RPS6KC1: variants seen among roughly 807,000 people sequenced by gnomAD.
RPS6KC1 encodes the protein ribosomal protein S6 kinase C1.
A neutral mutation model predicts 103.8 loss-of-function variants in RPS6KC1; 54 were observed. That is an observed-to-expected ratio of 0.52 (90% confidence interval 0.42 to 0.65). The LOEUF is 0.65. Ranked by LOEUF, RPS6KC1 falls within the 30% of genes least tolerant of loss-of-function variation. RPS6KC1 has a pLI of 0.00. For missense variants in RPS6KC1, 1,151 were observed against 1,253.8 expected, an observed-to-expected ratio of 0.92 and a Z score of 1.24; for synonymous variants, 439 against 438.7, an observed-to-expected ratio of 1.00 and a Z score of -0.01.
chr1:213,774,567 A>G, the RPS6KC1 span, among the ~76,000 whole-genome samples: 1 of 152,234 alleles, frequency 6.6e-6, no homozygotes, highest in African/African-American at 2.4e-5. Flanking sequence ...CACAAAGAAA[A>G]TACTTGCCTT....
intron 8 of RPS6KC1, among the ~76,000 whole-genome samples, chr1:213,214,013 T>G (rs904704939): frequency 1.3e-5 from 2 of 152,208 alleles, no homozygotes; most frequent in African/African-American, 2.4e-5. Context: ...TCACTGGGGA[T>G]TGTCGGACAG....
At chr1:213,661,621 A>G in the RPS6KC1 span, among the ~76,000 whole-genome samples, 1 of 152,324 alleles carries the variant, frequency 6.6e-6, no homozygotes, top group South Asian at 2.1e-4. Context: ...CGATAACTCA[A>G]GTACATGAAC....
chr1:213,569,289 T>C, the RPS6KC1 span, among the ~76,000 whole-genome samples: 3 of 152,304 alleles, frequency 2.0e-5, no homozygotes, highest in Non-Finnish European at 4.4e-5. Context: ...TTGCTCATTT[T>C]CAGAAAAACA....
At chr1:213,528,758 C>T in the RPS6KC1 span, among the ~76,000 whole-genome samples, 585 of 152,290 alleles carry the variant, frequency 3.8e-3, 5 homozygotes, top group African/African-American at 0.013. Context: ...TATGCTTGGA[C>T]AGGGTTTCAC....
chr1:213,339,415 A>T, the RPS6KC1 span, among the ~76,000 whole-genome samples: 13 of 152,250 alleles, frequency 8.5e-5, no homozygotes, highest in African/African-American at 2.9e-4. Context: ...GACCAGAAAG[A>T]TAACCCAGCT....
the RPS6KC1 span, among the ~76,000 whole-genome samples, chr1:213,378,499 T>C: frequency 6.6e-6 from 1 of 152,174 alleles, no homozygotes; most frequent in Non-Finnish European, 1.5e-5. Context: ...TATAAGCTTG[T>C]GCTCCCTGAG....
the RPS6KC1 span, among the ~76,000 whole-genome samples, chr1:213,653,264 C>G: frequency 6.6e-6 from 1 of 152,126 alleles, no homozygotes; most frequent in African/African-American, 2.4e-5. Context: ...TTGAGACCAG[C>G]CTGGGCAACA....
the RPS6KC1 span, among the ~76,000 whole-genome samples, chr1:213,678,084 G>A: frequency 3.9e-5 from 6 of 152,100 alleles, no homozygotes; most frequent in Admixed American, 1.3e-4. Flanking sequence ...GGAGTTTCTT[G>A]TTTCGTTTAA....
At chr1:213,696,059 T>C in the RPS6KC1 span, among the ~76,000 whole-genome samples, 1 of 152,228 alleles carries the variant, frequency 6.6e-6, no homozygotes, top group Non-Finnish European at 1.5e-5. Flanking sequence ...TATTAAAATC[T>C]AAATTTCCTC....
At chr1:213,338,942 G>C in the RPS6KC1 span, among the ~76,000 whole-genome samples, 2 of 152,046 alleles carry the variant, frequency 1.3e-5, no homozygotes, top group Non-Finnish European at 2.9e-5. Context: ...TTCCCACGCT[G>C]AACAGAGCAA....
At chr1:213,739,862 T>G in the RPS6KC1 span, among the ~76,000 whole-genome samples, 9 of 152,170 alleles carry the variant, frequency 5.9e-5, no homozygotes, top group Non-Finnish European at 1.2e-4. Flanking sequence ...TTGTAAGATG[T>G]TTCTTAAGAA....
At chr1:213,230,681 A>C (rs1466261457) in intron 9 of RPS6KC1, 137 bp downstream of exon 9, 2 of 466,370 alleles carry the variant, frequency 4.3e-6, no homozygotes, top group Non-Finnish European at 7.4e-6. Flanking sequence ...CTAAAAATAC[A>C]AAAATTAGCC....
At chr1:213,345,197 G>T in the RPS6KC1 span, among the ~76,000 whole-genome samples, 1 of 152,028 alleles carries the variant, frequency 6.6e-6, no homozygotes, top group Non-Finnish European at 1.5e-5. Context: ...AAATCATAAG[G>T]ATACAGTTTG....
chr1:213,696,502 CAAAAA>C, the RPS6KC1 span, among the ~76,000 whole-genome samples: 36 of 120,916 alleles, frequency 3.0e-4, 1 homozygote, highest in Admixed American at 1.5e-4. Context: ...AACTCCGTCT[CAAAAA>C]AAAAAAAAAA....
the RPS6KC1 span, among the ~76,000 whole-genome samples, chr1:213,285,928 C>A: frequency 1.3e-5 from 2 of 152,180 alleles, no homozygotes; most frequent in Non-Finnish European, 2.9e-5. Context: ...ACTGAATCTG[C>A]TGGCACCTTG....
chr1:213,775,342 T>G, the RPS6KC1 span, among the ~76,000 whole-genome samples: 1 of 152,274 alleles, frequency 6.6e-6, no homozygotes, highest in South Asian at 2.1e-4. Flanking sequence ...ACAAGTGAAT[T>G]TAATTTTCTT....
chr1:213,703,771 T>C, the RPS6KC1 span, among the ~76,000 whole-genome samples: 3 of 152,180 alleles, frequency 2.0e-5, no homozygotes, highest in Non-Finnish European at 1.5e-5. Context: ...TCCTTTACTT[T>C]GGGGAGTTTG....
the RPS6KC1 span, among the ~76,000 whole-genome samples, chr1:213,425,226 G>A: frequency 6.6e-6 from 1 of 152,054 alleles, no homozygotes; most frequent in Non-Finnish European, 1.5e-5. Context: ...ACAAAAGCAC[G>A]CAATTATTAC....
chr1:213,810,284 A>G, the RPS6KC1 span, among the ~76,000 whole-genome samples: 1 of 152,328 alleles, frequency 6.6e-6, no homozygotes, highest in East Asian at 1.9e-4. Context: ...GATGTGGTCA[A>G]TAATCTAAGG....
Sources: gnomAD v4.1 joint callset for allele counts (sites outside exome capture counted in the v4.1 genomes callset) on GRCh38, gnomAD v4.1.1 for gene constraint, MANE v1.5 for transcripts, NCBI Gene and HGNC (gene_info 2026-07-23, HGNC 2026-07-21) for gene names.